ITPR1: variants seen among roughly 807,000 people sequenced by gnomAD.
ITPR1 encodes inositol 1,4,5-trisphosphate receptor type 1.
ITPR1 carries 96 observed loss-of-function variants against 318.4 expected under a neutral mutation model. The ratio of observed to expected loss-of-function variants is 0.30; its 90% CI spans 0.26 to 0.36. The LOEUF (loss-of-function observed/expected upper bound fraction) is 0.36. Ranked by LOEUF, ITPR1 falls within the 10% of genes least tolerant of loss-of-function variation. ITPR1 has a pLI of 1.00. For synonymous variants in ITPR1, 1,312 were observed against 1,289.9 expected (o/e 1.02, Z -0.37); for missense variants, 2,440 against 3,460.2 (o/e 0.71, Z 7.40).
chr3:4,537,361 C>G (rs2083969869), intron 4 of ITPR1, among the ~76,000 whole-genome samples: 1 of 152,178 alleles, frequency 6.6e-6, no homozygotes, highest in South Asian at 2.1e-4. Context: ...CTCTGTTCTT[C>G]TAGAAATTTA....
At chr3:4,663,630 T>G (rs2093885360) in intron 16 of ITPR1, among the ~76,000 whole-genome samples, 1 of 152,196 alleles carries the variant, frequency 6.6e-6, no homozygotes, top group Non-Finnish European at 1.5e-5. Flanking sequence ...TTTGTGACAA[T>G]TTGGGGAATC....
chr3:4,535,559 C>T (rs2083793067), intron 4 of ITPR1, among the ~76,000 whole-genome samples: 1 of 150,496 alleles, frequency 6.6e-6, no homozygotes, highest in African/African-American at 2.5e-5. Context: ...TCTCCTGCCT[C>T]AGCCTCCCGA....
intron 5 of ITPR1, among the ~76,000 whole-genome samples, chr3:4,633,159 A>C (rs2093069013): frequency 6.6e-6 from 1 of 151,904 alleles, no homozygotes; most frequent in African/African-American, 2.4e-5. Flanking sequence ...GATGGTCTCG[A>C]TCTCCTGAAC....
chr3:4,675,333 C>T (rs1159055609), intron 23 of ITPR1, 85 bp downstream of exon 23: 1 of 898,770 alleles, frequency 1.1e-6, no homozygotes, highest in Non-Finnish European at 1.7e-6. Context: ...TATGTGATGC[C>T]ACATCCTTTC....
At position 4,668,744 on chromosome 3, in the gene ITPR1, G is replaced by C. The variant is rs555967583; in HGVS notation, c.1887-910G>C. Among the ~76,000 whole-genome samples the C allele has an allele frequency of 5.3e-5, 8 of 152,318 alleles. No homozygotes were observed. In the South Asian group the frequency reaches 1.0e-3, roughly 20 times the overall value. On this transcript the variant is annotated intron_variant, in intron 18 of 61. Coordinates refer to ENST00000649015, the MANE Select transcript of ITPR1 (RefSeq NM_001378452.1). The stretch of plus-strand genomic sequence containing the variant: ...GCCTCCCAAAGTGCTGGGATTACAG[G>C]CGTGAGCCACCGCGCTCGGCCTCAT...
Position 4,814,415 on chromosome 3 carries a change from G to C in ITPR1, c.7562-8G>C. On this transcript the variant is annotated splice_region_variant and splice_polypyrimidine_tract_variant and intron_variant, in intron 57 of 61. Coordinates refer to ENST00000649015, the MANE Select transcript of ITPR1 (RefSeq NM_001378452.1). ...TTTTCTCTCTGTTGTTACTTGCCGT[G>C]TTCACAGAGCTGGTCCCTGCAGAAG... is the stretch of plus-strand genomic sequence containing the variant. 1 of 1,613,872 alleles carries C rather than the reference G, an allele frequency of 6.2e-7. No homozygotes were observed. Among genetic ancestry groups the C allele is most frequent in the South Asian group, 1.1e-5 (1 of 91,080 alleles).
intron 60 of ITPR1, among the ~76,000 whole-genome samples, chr3:4,832,973 TG>T (rs1476621056): frequency 2.6e-5 from 4 of 152,328 alleles, no homozygotes; most frequent in African/African-American, 9.6e-5. Flanking sequence ...AGGGCCTCCG[TG>T]CAGCTCCACA....
intron 61 of ITPR1, among the ~76,000 whole-genome samples, chr3:4,839,997 C>CCTGA (rs1276272102): frequency 7.3e-6 from 1 of 137,560 alleles, no homozygotes; most frequent in Non-Finnish European, 1.5e-5. Context: ...TTTTAAGGTA[C>CCTGA]TCAGAATTAC....
intron 4 of ITPR1, among the ~76,000 whole-genome samples, chr3:4,623,202 A>G (rs1181604943): frequency 1.3e-5 from 2 of 152,132 alleles, no homozygotes; most frequent in African/African-American, 4.8e-5. Context: ...GCAGTTGAGC[A>G]TTCTCCCTCC....
At chr3:4,614,598 T>C (rs942392876) in intron 4 of ITPR1, among the ~76,000 whole-genome samples, 3 of 152,256 alleles carry the variant, frequency 2.0e-5, no homozygotes, top group Non-Finnish European at 4.4e-5. Context: ...AGCTGGAGTT[T>C]CAACCCAGTC....
intron 5 of ITPR1, among the ~76,000 whole-genome samples, chr3:4,633,083 G>A (rs977449841): frequency 1.3e-5 from 2 of 151,664 alleles, no homozygotes; most frequent in African/African-American, 2.4e-5. Context: ...GGACTTCAGG[G>A]GTGCGTCACC....
intron 4 of ITPR1, among the ~76,000 whole-genome samples, chr3:4,538,710 G>A (rs2084110157): frequency 6.6e-6 from 1 of 152,196 alleles, no homozygotes; most frequent in Non-Finnish European, 1.5e-5. Flanking sequence ...GGAATACTAT[G>A]CAGCTATAAA....
intron 46 of ITPR1, among the ~76,000 whole-genome samples, chr3:4,774,316 C>A (rs1471583129): frequency 6.6e-6 from 1 of 152,196 alleles, no homozygotes; most frequent in Non-Finnish European, 1.5e-5. Flanking sequence ...TTCACTGTCA[C>A]AAGCAGTACT....
intron 4 of ITPR1, among the ~76,000 whole-genome samples, chr3:4,621,874 G>A (rs944499421): frequency 5.9e-5 from 9 of 152,184 alleles, no homozygotes; most frequent in African/African-American, 2.2e-4. Flanking sequence ...TCCAAGTTCA[G>A]ATGCCACAGT....
intron 32 of ITPR1, among the ~76,000 whole-genome samples, chr3:4,692,171 C>T (rs1177231734): frequency 6.6e-6 from 1 of 150,474 alleles, no homozygotes; most frequent in African/African-American, 2.4e-5. Context: ...AAGAGAGAGT[C>T]GGCTCAACCT....
At position 4,814,458 on chromosome 3, in the gene ITPR1, G is replaced by C. The variant is rs1157520156; in HGVS notation, c.7597G>C (p.Glu2533Gln). ...TGCAGAAGAGACGGAACAGGATAAAGAGCACACATGTGAGACGCTGCTGAT... is the reference window on the plus strand; with the variant it reads ...TGCAGAAGAGACGGAACAGGATAAACAGCACACATGTGAGACGCTGCTGAT... ...VPAEETEQDK[E>Q]HTCETLLMCI... Residue 2533 changes from glutamate (E) to glutamine (Q), a missense_variant, in exon 58 of 62, where the codon GAG (glutamate) becomes CAG (glutamine). Glu to Gln is a conservative substitution (Grantham distance 29, BLOSUM62 2). Transcript: ENST00000649015. 6.2e-7 allele frequency: 1 copy of C among 1,613,944 alleles called. No homozygotes were observed. The highest frequency in any genetic ancestry group is 8.5e-7 in the Non-Finnish European group (1 of 1,179,882).
intron 52 of ITPR1, among the ~76,000 whole-genome samples, chr3:4,793,927 G>A (rs999168275): frequency 6.6e-6 from 1 of 152,152 alleles, no homozygotes. Flanking sequence ...TTTTATTTTG[G>A]TTGGAAGCTC....
chr3:4,813,052 A>C (rs2049041687), intron 56 of ITPR1, 90 bp from the exon 57 acceptor site: 1 of 903,562 alleles, frequency 1.1e-6, no homozygotes, highest in Admixed American at 1.7e-5. Context: ...TATGTAAAGA[A>C]TTGTTTAATC....
chr3:4,685,028 A>G (rs1308055251), intron 29 of ITPR1, 41 bp from the exon 30 acceptor site: 2 of 1,592,486 alleles, frequency 1.3e-6, no homozygotes, highest in African/African-American at 1.3e-5. Flanking sequence ...TTCCAGCTAT[A>G]GTTCCTAGTT....
Sources: allele counts gnomAD v4.1 joint callset (sites outside exome capture counted in the v4.1 genomes callset), GRCh38; gene constraint gnomAD v4.1.1; transcripts MANE v1.5; gene names NCBI Gene and HGNC (gene_info 2026-07-23, HGNC 2026-07-21).